The following WDR27 variants were observed in gnomAD, a reference collection of about 807,000 sequenced individuals.
WDR27 encodes the protein WD repeat-containing protein 27.
In WDR27, 100 loss-of-function variants were observed where a neutral mutation model predicts 114.4. That is an observed-to-expected ratio of 0.87 (90% CI 0.74 to 1.03). The LOEUF is 1.03. Ranked by LOEUF, WDR27 falls within the 50% of genes least tolerant of loss-of-function variation. The pLI is 0.00. For synonymous variants in WDR27, 449 were observed against 423.1 expected (o/e 1.06, Z -0.75); for missense variants, 1,129 against 1,092.9 (o/e 1.03, Z -0.47).
chr6:169,517,977 A>G (rs1793889565), intron 25 of WDR27, among the ~76,000 whole-genome samples: 1 of 152,236 alleles, frequency 6.6e-6, no homozygotes, highest in Non-Finnish European at 1.5e-5. Flanking sequence ...TTTGAAACCC[A>G]GCAAGGCAGT....
At position 169,540,031 on chromosome 6, in the gene WDR27, T is replaced by TTTC. The variant is rs1796647926; in HGVS notation, c.2645+32385_2645+32387dup. On this transcript the variant is annotated intron_variant, in intron 25 of 25. Transcript: ENST00000448612. ...CCATAGCCGTTAACATTTAGGTGGTTTTCTATAGCTACAACCAGGTTTTCT... is the reference window on the plus strand; with the variant it reads ...CCATAGCCGTTAACATTTAGGTGGTTTTCTTCTATAGCTACAACCAGGTTTTCT... Among the ~76,000 whole-genome samples, 4 of 152,220 alleles carry TTTC rather than the reference T, an allele frequency of 2.6e-5. No individual in the cohort carries two copies. In the South Asian group the frequency reaches 8.3e-4, roughly 32 times the overall value.
intron 24 of WDR27, among the ~76,000 whole-genome samples, chr6:169,574,567 C>T (rs9295006): frequency 0.57 from 87,447 of 152,084 alleles, 27,440 homozygotes; most frequent in Non-Finnish European, 0.69. Context: ...GTTCCCAGAA[C>T]GTGCCAGCCT....
intron 25 of WDR27, among the ~76,000 whole-genome samples, chr6:169,480,332 G>A (rs546217027): frequency 6.6e-5 from 10 of 152,160 alleles, no homozygotes; most frequent in Non-Finnish European, 7.4e-5. Flanking sequence ...TGCCACTCCC[G>A]TGAGCTCCCA....
intron 2 of WDR27, among the ~76,000 whole-genome samples, chr6:169,679,003 T>A (rs1002103501): frequency 6.6e-6 from 1 of 152,168 alleles, no homozygotes; most frequent in Non-Finnish European, 1.5e-5. Context: ...TAAAACATGG[T>A]CTCCACAATC....
downstream of WDR27, among the ~76,000 whole-genome samples, chr6:169,454,489 C>T (rs1472016068): frequency 5.3e-5 from 8 of 152,104 alleles, no homozygotes; most frequent in South Asian, 2.1e-4. Flanking sequence ...AACACCCAGG[C>T]GTCCTCCTTC....
intron 21 of WDR27, among the ~76,000 whole-genome samples, chr6:169,624,150 G>GGGCGTCAGGTGTGT (rs376836691): frequency 8.3e-6 from 1 of 120,750 alleles, no homozygotes; most frequent in Non-Finnish European, 1.6e-5. Flanking sequence ...GTGCCGTGTG[G>GGGCGTCAGGTGTGT]GGCGTCAGGT....
intron 23 of WDR27, among the ~76,000 whole-genome samples, chr6:169,596,219 A>T (rs1806763617): frequency 6.6e-6 from 1 of 152,024 alleles, no homozygotes; most frequent in Non-Finnish European, 1.5e-5. Flanking sequence ...TTGACTTTTT[A>T]AAAAAATGTC....
At chr6:169,489,262 C>T (rs1286437346) in intron 25 of WDR27, among the ~76,000 whole-genome samples, 1 of 152,184 alleles carries the variant, frequency 6.6e-6, no homozygotes, top group Admixed American at 6.5e-5. Flanking sequence ...AGACGAGACT[C>T]TTAACAGTGT....
At chr6:169,561,490 T>C (rs1200922604) in intron 25 of WDR27, among the ~76,000 whole-genome samples, 4 of 152,040 alleles carry the variant, frequency 2.6e-5, no homozygotes, top group Non-Finnish European at 5.9e-5. Flanking sequence ...TGGTTTCATA[T>C]CACTTAACAA....
Position 169,602,326 on chromosome 6 carries a change from A to G in WDR27, c.2322-5T>C. 6.6e-7 allele frequency: 1 copy of G among 1,511,024 alleles called. No homozygotes were observed. The allele number at this position is 1,511,024 out of a possible 1,614,324, so 93.6% of individuals were successfully genotyped here. A position where few individuals can be genotyped will look rare whatever the true frequency, so the allele number is the denominator to read the frequency against. Reference sequence around the variant, plus strand: ...CCTTCAAAGTGGCGCTCACACCTACAGGGAGGAAAGAAACACCAGGAGAAA... The same window carrying G: ...CCTTCAAAGTGGCGCTCACACCTACGGGGAGGAAAGAAACACCAGGAGAAA... On this transcript the variant is annotated splice_region_variant and splice_polypyrimidine_tract_variant and intron_variant, in intron 22 of 25. Coordinates refer to ENST00000448612, the MANE Select transcript of WDR27 (RefSeq NM_182552.5).
chr6:169,463,502 T>C (rs1042591460), intron 25 of WDR27, among the ~76,000 whole-genome samples: 1 of 152,240 alleles, frequency 6.6e-6, no homozygotes, highest in South Asian at 2.1e-4. Flanking sequence ...ATGCCCGCTT[T>C]CATCATTTAT....
intron 25 of WDR27, among the ~76,000 whole-genome samples, chr6:169,467,346 G>A (rs143248754): frequency 1.1e-3 from 160 of 152,270 alleles, no homozygotes; most frequent in Non-Finnish European, 1.7e-3. Flanking sequence ...ACTCTGTAGG[G>A]GCTCCAAACC....
rs1022121668 is a variant in WDR27 at position 169,591,233 on chromosome 6, T to C, written c.2425-8299A>G. ...ATGATTGGTGATGTGAGCCCTTTTT[T>C]CCTGTACCCATTGGCCATCTGTATG... On this transcript the variant is annotated intron_variant, in intron 23 of 25. Coordinates refer to ENST00000448612, the MANE Select transcript of WDR27 (RefSeq NM_182552.5). Among the ~76,000 whole-genome samples the C allele has an allele frequency of 5.3e-5, 8 of 152,164 alleles. No homozygotes were observed. The South Asian group carries it at 1.7e-3, about 32-fold the overall frequency.
chr6:169,667,887 G>A (rs777621369), intron 5 of WDR27, 95 bp downstream of exon 5: 106 of 1,192,306 alleles, frequency 8.9e-5, no homozygotes, highest in South Asian at 1.7e-4. Flanking sequence ...TCACTCAGGC[G>A]GCCGTGGCCG....
chr6:169,686,042 AT>A (rs1782858069), intron 2 of WDR27, among the ~76,000 whole-genome samples: 1 of 152,230 alleles, frequency 6.6e-6, no homozygotes. Flanking sequence ...ACTGGTTGCT[AT>A]ATTCAAAGTA....
the WDR27 span, among the ~76,000 whole-genome samples, chr6:169,429,768 A>AG: frequency 6.6e-6 from 1 of 152,148 alleles, no homozygotes; most frequent in African/African-American, 2.4e-5. Context: ...TGGGGTCTGA[A>AG]GTGGGCCCAA....
intron 13 of WDR27, among the ~76,000 whole-genome samples, chr6:169,652,701 A>C (rs1304234213): frequency 6.6e-6 from 1 of 152,232 alleles, no homozygotes; most frequent in Non-Finnish European, 1.5e-5. Context: ...TTTCCATGGG[A>C]ATATTTTCTA....
At chr6:169,516,636 T>G (rs901842837) in intron 25 of WDR27, among the ~76,000 whole-genome samples, 1 of 152,028 alleles carries the variant, frequency 6.6e-6, no homozygotes, top group Non-Finnish European at 1.5e-5. Flanking sequence ...GCTTAAAAGT[T>G]CTATTACATC....
At chr6:169,616,498 G>T (rs927658960) in intron 21 of WDR27, among the ~76,000 whole-genome samples, 1 of 150,000 alleles carries the variant, frequency 6.7e-6, no homozygotes, top group Non-Finnish European at 1.5e-5. Context: ...AAAAAAATAA[G>T]AAGAAGAAGA....
Sources: gnomAD v4.1 joint callset for allele counts (sites outside exome capture counted in the v4.1 genomes callset) on GRCh38, gnomAD v4.1.1 for gene constraint, MANE v1.5 for transcripts, NCBI Gene and HGNC (gene_info 2026-07-23, HGNC 2026-07-21) for gene names.